The following GFOD2 variants were observed in gnomAD, a reference collection of about 807,000 sequenced individuals.
The protein encoded by GFOD2 is glucose-fructose oxidoreductase domain-containing protein 2.
Under a neutral mutation model 24.6 loss-of-function variants are expected in GFOD2, and 9 were observed. That is an observed-to-expected ratio of 0.37 (90% CI 0.22 to 0.64). The LOEUF (loss-of-function observed/expected upper bound fraction) is 0.64. Ranked by LOEUF, GFOD2 falls within the 30% of genes least tolerant of loss-of-function variation. The probability of loss-of-function intolerance (pLI) is 0.65; values close to 1 mark genes in which losing one functional copy is unlikely to be tolerated. For synonymous variants in GFOD2, 211 were observed against 224.8 expected, an observed-to-expected ratio of 0.94 and a Z score of 0.55; for missense variants, 476 against 532.5, an observed-to-expected ratio of 0.89 and a Z score of 1.04.
At chr16:67,680,952 G>A (rs749512954) in intron 2 of GFOD2, 12 of 985,446 alleles carry the variant, frequency 1.2e-5, no homozygotes, top group Non-Finnish European at 1.4e-5. Context: ...AGCCAGCCAA[G>A]TGTCACATAC....
chr16:67,676,162 AT>A (rs967829907), intron 2 of GFOD2, 109 bp from the exon 3 acceptor site: 87 of 1,107,574 alleles, frequency 7.9e-5, no homozygotes, highest in Admixed American at 1.7e-4. Context: ...GCACGAACTA[AT>A]TTTTTTTTCT....
At chr16:67,707,075 A>G (rs945692484) in intron 1 of GFOD2, among the ~76,000 whole-genome samples, 3 of 147,476 alleles carry the variant, frequency 2.0e-5, no homozygotes, top group African/African-American at 7.5e-5. Flanking sequence ...AAAAAAAAAA[A>G]TGTCCGGGCG....
chr16:67,710,282 C>G (rs192240026), intron 1 of GFOD2, among the ~76,000 whole-genome samples: 1 of 151,890 alleles, frequency 6.6e-6, no homozygotes, highest in African/African-American at 2.4e-5. Context: ...TGAGCCACCA[C>G]GCCAGCCCTG....
At chr16:67,681,446 G>T in intron 2 of GFOD2, 1 of 973,084 alleles carries the variant, frequency 1.0e-6, no homozygotes, top group Non-Finnish European at 1.2e-6. Context: ...TTTTAGATGG[G>T]GACTCGCTTT....
chr16:67,686,080 C>G (rs2053263967), intron 1 of GFOD2, among the ~76,000 whole-genome samples: 1 of 152,014 alleles, frequency 6.6e-6, no homozygotes, highest in Non-Finnish European at 1.5e-5. Context: ...TGAGAGTAGC[C>G]TGGGCAACAC....
chr16:67,688,272 T>A (rs1426823911), intron 1 of GFOD2, among the ~76,000 whole-genome samples: 2 of 152,204 alleles, frequency 1.3e-5, no homozygotes, highest in East Asian at 3.8e-4. Context: ...GTAATATATC[T>A]ATAAAATATC....
At chr16:67,713,880 G>C (rs1443656082) in intron 1 of GFOD2, among the ~76,000 whole-genome samples, 1 of 152,066 alleles carries the variant, frequency 6.6e-6, no homozygotes, top group Non-Finnish European at 1.5e-5. Flanking sequence ...CCAGTCCCCA[G>C]CCTGAAACTA....
intron 1 of GFOD2, among the ~76,000 whole-genome samples, chr16:67,711,873 T>C (rs2053476336): frequency 6.6e-6 from 1 of 152,222 alleles, no homozygotes; most frequent in African/African-American, 2.4e-5. Flanking sequence ...ACCTCTATTG[T>C]GCAGACATCC....
intron 1 of GFOD2, among the ~76,000 whole-genome samples, chr16:67,699,641 G>A (rs2053386136): frequency 6.6e-6 from 1 of 151,924 alleles, no homozygotes; most frequent in Non-Finnish European, 1.5e-5. Context: ...GTACCACCAC[G>A]CCTGGCTAAT....
rs1364839286 is a variant in GFOD2 at position 67,675,021 on chromosome 16, A to G, written c.*134T>C. ...GAGCCACTGGAGGGGGCGAAGTCCC[A>G]GAGCCACCTCTGGCTTCACCCAGAC... On this transcript the variant is annotated 3_prime_UTR_variant, in exon 3 of 3. Transcript: ENST00000268797. 9.6e-6 allele frequency: 10 copies of G among 1,041,292 alleles called. No homozygotes were observed. The highest frequency in any genetic ancestry group is 1.6e-5 in the South Asian group (1 of 64,378). The allele number at this position is 1,041,292 out of a possible 1,614,324, so 64.5% of individuals were successfully genotyped here. A position where few individuals can be genotyped will look rare whatever the true frequency, so the allele number is the denominator to read the frequency against.
intron 1 of GFOD2, among the ~76,000 whole-genome samples, chr16:67,694,239 C>T (rs531226869): frequency 2.6e-5 from 4 of 152,204 alleles, no homozygotes; most frequent in East Asian, 3.9e-4. Context: ...TCAGGTGATC[C>T]GCTCGCCTGG....
chr16:67,715,845 A>C (rs2053502492), intron 1 of GFOD2, among the ~76,000 whole-genome samples: 1 of 152,150 alleles, frequency 6.6e-6, no homozygotes, highest in Non-Finnish European at 1.5e-5. Context: ...CAAAAAAAAA[A>C]AAAACTTGTT....
At chr16:67,706,053 G>A (rs975195021) in intron 1 of GFOD2, among the ~76,000 whole-genome samples, 1 of 131,824 alleles carries the variant, frequency 7.6e-6, no homozygotes, top group African/African-American at 2.8e-5. Flanking sequence ...TGCAATCTCA[G>A]CTCACTGCAA....
chr16:67,706,485 G>A (rs1380656700), intron 1 of GFOD2, among the ~76,000 whole-genome samples: 1 of 152,034 alleles, frequency 6.6e-6, no homozygotes, highest in East Asian at 1.9e-4. Context: ...AAATGATGTT[G>A]GAACAATTGG....
chr16:67,683,591 G>T, intron 2 of GFOD2: 1 of 1,231,788 alleles, frequency 8.1e-7, no homozygotes, highest in Non-Finnish European at 1.0e-6. Context: ...CTCTCTGGAA[G>T]AAACAAACAA....
intron 1 of GFOD2, among the ~76,000 whole-genome samples, chr16:67,713,537 C>T (rs939764121): frequency 6.6e-6 from 1 of 152,234 alleles, no homozygotes; most frequent in African/African-American, 2.4e-5. Context: ...GGGCTACAGA[C>T]TGGAGATCCT....
intron 1 of GFOD2, among the ~76,000 whole-genome samples, chr16:67,715,267 C>T (rs2053499122): frequency 6.6e-6 from 1 of 152,180 alleles, no homozygotes; most frequent in Admixed American, 6.5e-5. Flanking sequence ...ACTATGTCGG[C>T]CAGGCTGGTC....
intron 1 of GFOD2, among the ~76,000 whole-genome samples, chr16:67,706,107 G>A (rs1367086040): frequency 2.0e-5 from 3 of 150,882 alleles, no homozygotes; most frequent in Non-Finnish European, 4.4e-5. Flanking sequence ...CTCCTGAGTA[G>A]CTGGGATTAC....
chr16:67,714,440 T>C (rs546598496), intron 1 of GFOD2, among the ~76,000 whole-genome samples: 2 of 130,818 alleles, frequency 1.5e-5, no homozygotes, highest in South Asian at 2.3e-4. Flanking sequence ...ATTGTGCCAC[T>C]ACACTCCAGC....
Sources: allele counts gnomAD v4.1 joint callset (sites outside exome capture counted in the v4.1 genomes callset), GRCh38; gene constraint gnomAD v4.1.1; transcripts MANE v1.5; gene names NCBI Gene and HGNC (gene_info 2026-07-23, HGNC 2026-07-21).